Variants in PSMA1 observed in about 807,000 individuals in gnomAD.
PSMA1 encodes proteasome subunit alpha type-1.
In PSMA1, 3 loss-of-function variants were observed where a neutral mutation model predicts 38.4. The ratio of observed to expected loss-of-function variants is 0.08; its 90% CI spans 0.04 to 0.20. PSMA1 has a LOEUF of 0.20. Among genes scored for constraint, PSMA1 ranks in the 10% least tolerant of loss-of-function variants. The probability of loss-of-function intolerance (pLI) is 1.00; values close to 1 mark genes in which losing one functional copy is unlikely to be tolerated. For synonymous variants in PSMA1, 101 were observed against 107.1 expected, an observed-to-expected ratio of 0.94 and a Z score of 0.35; for missense variants, 227 against 325.3, an observed-to-expected ratio of 0.70 and a Z score of 2.32.
At chr11:14,617,994 T>C (rs1485134627) in intron 1 of PSMA1, among the ~76,000 whole-genome samples, 1 of 152,182 alleles carries the variant, frequency 6.6e-6, no homozygotes, top group Admixed American at 6.5e-5. Flanking sequence ...AGAAACTATG[T>C]TCTAGTAGTT....
chr11:14,513,532 CAAAAAAAA>C (rs59773789), intron 7 of PSMA1, 30 bp downstream of exon 7: 35 of 1,155,154 alleles, frequency 3.0e-5, no homozygotes, highest in South Asian at 1.4e-4. Context: ...CTGGAAAAGG[CAAAAAAAA>C]AAAAAAAAAA....
At chr11:14,628,933 T>C (rs1289661787) in intron 1 of PSMA1, among the ~76,000 whole-genome samples, 1 of 151,386 alleles carries the variant, frequency 6.6e-6, no homozygotes, top group African/African-American at 2.4e-5. Flanking sequence ...ATGAGCATTT[T>C]TTCATGTGTT....
chr11:14,567,245 G>A (rs1343526519), intron 2 of PSMA1, among the ~76,000 whole-genome samples: 1 of 152,176 alleles, frequency 6.6e-6, no homozygotes, highest in Non-Finnish European at 1.5e-5. Context: ...TGCCTCAAGA[G>A]ATTGCCTCTT....
intron 2 of PSMA1, among the ~76,000 whole-genome samples, chr11:14,587,550 C>T (rs755729765): frequency 6.6e-6 from 1 of 151,962 alleles, no homozygotes; most frequent in Non-Finnish European, 1.5e-5. Context: ...AATGAATCCT[C>T]TGTTGAAACA....
At chr11:14,609,926 CTG>C (rs1852690471) in intron 2 of PSMA1, among the ~76,000 whole-genome samples, 2 of 152,296 alleles carry the variant, frequency 1.3e-5, no homozygotes, top group South Asian at 4.2e-4. Flanking sequence ...ATTTAGGAAA[CTG>C]TTGCAATAAT....
At chr11:14,525,374 C>T (rs754405905), upstream of PSMA1, among the ~76,000 whole-genome samples, 3 of 152,084 alleles carry the variant, frequency 2.0e-5, no homozygotes, top group Non-Finnish European at 4.4e-5. Context: ...CCTCTACTCC[C>T]TCCTTGGCGA....
intron 2 of PSMA1, among the ~76,000 whole-genome samples, chr11:14,582,623 T>C (rs924422638): frequency 1.3e-5 from 2 of 152,004 alleles, no homozygotes; most frequent in Non-Finnish European, 2.9e-5. Context: ...GTTCAAACAA[T>C]TCTCCTGCCT....
intron 1 of PSMA1, among the ~76,000 whole-genome samples, chr11:14,622,107 C>T (rs1246998291): frequency 1.2e-4 from 18 of 152,076 alleles, no homozygotes; most frequent in Admixed American, 1.2e-3. Context: ...AGACTGGGTA[C>T]CTATGCAGAC....
At chr11:14,535,790 T>C (rs1034903864) in intron 2 of PSMA1, among the ~76,000 whole-genome samples, 2 of 152,158 alleles carry the variant, frequency 1.3e-5, no homozygotes, top group African/African-American at 4.8e-5. Flanking sequence ...ATTTTTTTTA[T>C]TCTAAAAAAT....
At chr11:14,627,442 G>A (rs1054699298) in intron 1 of PSMA1, among the ~76,000 whole-genome samples, 7 of 151,972 alleles carry the variant, frequency 4.6e-5, no homozygotes, top group African/African-American at 1.7e-4. Flanking sequence ...TTATCATCTG[G>A]GTAAAAGTTA....
At chr11:14,572,674 C>A (rs1022105240) in intron 2 of PSMA1, among the ~76,000 whole-genome samples, 1 of 152,070 alleles carries the variant, frequency 6.6e-6, no homozygotes, top group African/African-American at 2.4e-5. Flanking sequence ...CAGAGCAGAA[C>A]TGAAGGAGAT....
intron 2 of PSMA1, among the ~76,000 whole-genome samples, chr11:14,548,333 A>C (rs11023253): frequency 0.015 from 2,360 of 152,280 alleles, 25 homozygotes; most frequent in Non-Finnish European, 0.027. Flanking sequence ...GGTGGATTTC[A>C]AGGTAGACAC....
chr11:14,546,020 T>TGG (rs113480346), intron 2 of PSMA1, among the ~76,000 whole-genome samples: 1 of 152,112 alleles, frequency 6.6e-6, no homozygotes, highest in African/African-American at 2.4e-5. Flanking sequence ...TAGACTCCTT[T>TGG]GGGGGGGTCC....
At chr11:14,626,981 C>T (rs571590862) in intron 1 of PSMA1, among the ~76,000 whole-genome samples, 23 of 152,138 alleles carry the variant, frequency 1.5e-4, no homozygotes, top group African/African-American at 4.3e-4. Flanking sequence ...GGTGCTGGCA[C>T]GGTTGGTTTC....
intron 2 of PSMA1, among the ~76,000 whole-genome samples, chr11:14,589,365 A>ATGTGTG (rs10641474): frequency 0.019 from 2,862 of 147,630 alleles, 86 homozygotes; most frequent in African/African-American, 0.067. Context: ...ATATATATAT[A>ATGTGTG]TGTGTGTGTG....
At position 14,513,715 on chromosome 11, in the gene PSMA1, A is replaced by T. The variant is rs1386240962; in HGVS notation, c.415-16T>A. The T allele has an allele frequency of 1.3e-6, 2 of 1,564,318 alleles. No homozygotes were observed. The highest frequency in any genetic ancestry group is 1.7e-6 in the Non-Finnish European group (2 of 1,162,754). Reference sequence around the variant, plus strand: ...GGCCCATATCCTACAAATAGAAATAAATACACCACATAATTATTTACTTTG... The same window carrying T: ...GGCCCATATCCTACAAATAGAAATATATACACCACATAATTATTTACTTTG... On this transcript the variant is annotated splice_polypyrimidine_tract_variant and intron_variant, in intron 6 of 9. Transcript: ENST00000396394.
rs539260476 is a variant in PSMA1, at chr11:14,564,444, T to A, written c.22-45403A>T. 3.9e-5 allele frequency among the ~76,000 whole-genome samples: 6 copies of A among 152,360 alleles called. No individual in the cohort carries two copies. The East Asian group carries it at 1.2e-3, about 29-fold the overall frequency. ...ACTCAATTTTTAAACTATTCACTCA[T>A]TGAAGTATATCTGGATTGCTTCCAG... On this transcript the variant is annotated intron_variant, in intron 2 of 10. Coordinates refer to the PSMA1 transcript ENST00000418988.
chr11:14,642,722 T>C (rs1853231172), intron 1 of PSMA1, among the ~76,000 whole-genome samples: 1 of 152,192 alleles, frequency 6.6e-6, no homozygotes, highest in African/African-American at 2.4e-5. Flanking sequence ...CTAAGGCAGT[T>C]ATGATTGGTT....
chr11:14,567,767 G>T (rs115912380), intron 2 of PSMA1, among the ~76,000 whole-genome samples: 1 of 152,096 alleles, frequency 6.6e-6, no homozygotes, highest in Non-Finnish European at 1.5e-5. Context: ...TTAGTGCCAC[G>T]TTTTTCTCAT....
Sources: gnomAD v4.1 joint callset for allele counts (sites outside exome capture counted in the v4.1 genomes callset) on GRCh38, gnomAD v4.1.1 for gene constraint, MANE v1.5 for transcripts, NCBI Gene and HGNC (gene_info 2026-07-23, HGNC 2026-07-21) for gene names.